Variants in PLCG2 observed in about 807,000 individuals in gnomAD.
PLCG2 encodes 1-phosphatidylinositol 4,5-bisphosphate phosphodiesterase gamma-2.
In PLCG2, 69 loss-of-function variants were observed where a neutral mutation model predicts 175.6. That is an observed-to-expected ratio of 0.39 (90% CI 0.32 to 0.48). The LOEUF (loss-of-function observed/expected upper bound fraction) is 0.48, where lower values mean the gene tolerates loss of function less well. Among genes scored for constraint, PLCG2 ranks in the 20% least tolerant of loss-of-function variants. The probability of loss-of-function intolerance (pLI) is 0.91; values close to 1 mark genes in which losing one functional copy is unlikely to be tolerated. For synonymous variants in PLCG2, 827 were observed against 624.0 expected, an observed-to-expected ratio of 1.33 and a Z score of -4.85; for missense variants, 1,798 against 1,650.9, an observed-to-expected ratio of 1.09 and a Z score of -1.54.
At chr16:81,903,219 G>A (rs1475275649) in intron 14 of PLCG2, among the ~76,000 whole-genome samples, 1 of 152,258 alleles carries the variant, frequency 6.6e-6, no homozygotes, top group Non-Finnish European at 1.5e-5. Flanking sequence ...CAAGGGTGTG[G>A]TGGTGTCAAC....
chr16:81,838,842 G>C (rs1476533794), intron 2 of PLCG2, among the ~76,000 whole-genome samples: 1 of 149,746 alleles, frequency 6.7e-6, no homozygotes, highest in East Asian at 1.9e-4. Context: ...ATGCACACAT[G>C]GTGCATGTAA....
chr16:81,837,171 A>T (rs528140589), intron 2 of PLCG2, among the ~76,000 whole-genome samples: 36 of 152,254 alleles, frequency 2.4e-4, no homozygotes, highest in Non-Finnish European at 4.8e-4. Context: ...AAAGAACGAG[A>T]ATACATATAC....
intron 9 of PLCG2, among the ~76,000 whole-genome samples, chr16:81,884,423 C>A (rs1188568454): frequency 6.6e-6 from 1 of 152,054 alleles, no homozygotes; most frequent in East Asian, 1.9e-4. Flanking sequence ...GCACCAAGTA[C>A]CTACAGTGCT....
chr16:81,747,263 G>A (rs1431781995), intron 1 of PLCG2, among the ~76,000 whole-genome samples: 2 of 152,130 alleles, frequency 1.3e-5, no homozygotes, highest in Non-Finnish European at 2.9e-5. Context: ...GACTGGGCGC[G>A]GTGGCTCACA....
In PLCG2 at chr16:81,956,727, C is replaced by A; in HGVS notation, c.3603C>A (p.Arg1201=). 1 of 1,614,136 alleles carries A rather than the reference C, an allele frequency of 6.2e-7. No homozygotes were observed. Among genetic ancestry groups the A allele is most frequent in the Non-Finnish European group, 8.5e-7 (1 of 1,180,004 alleles). ...ESEEELYSSC[R]QLRRRQEELN... The stretch of plus-strand genomic sequence containing the variant: ...AAGAGGAACTTTACTCCTCCTGTCG[C>A]CAGCTGAGGAGGCGGCAAGAAGAAC... Residue 1201 remains arginine, a synonymous_variant, in exon 32 of 33, where the codon CGC becomes CGA. Coordinates refer to ENST00000564138, the MANE Select transcript of PLCG2 (RefSeq NM_002661.5).
intron 2 of PLCG2, among the ~76,000 whole-genome samples, chr16:81,770,999 C>T (rs1003160206): frequency 4.0e-5 from 6 of 150,028 alleles, no homozygotes; most frequent in Admixed American, 1.3e-4. Context: ...TGGAGCTTGC[C>T]GTGAGCCGAG....
intron 12 of PLCG2, among the ~76,000 whole-genome samples, chr16:81,894,234 G>A (rs145970858): frequency 6.6e-6 from 1 of 152,184 alleles, no homozygotes; most frequent in East Asian, 1.9e-4. Context: ...TTTGAGACCA[G>A]CCTGGGCGAC....
intron 2 of PLCG2, among the ~76,000 whole-genome samples, chr16:81,794,031 T>C (rs1361345305): frequency 6.6e-6 from 1 of 152,186 alleles, no homozygotes; most frequent in African/African-American, 2.4e-5. Flanking sequence ...AGAGTTTCTT[T>C]GTGACAGCAG....
chr16:81,908,682 G>C (rs1261474866), intron 17 of PLCG2, 91 bp downstream of exon 17: 1 of 1,134,590 alleles, frequency 8.8e-7, no homozygotes, highest in Non-Finnish European at 1.2e-6. Context: ...GGCAGGAATT[G>C]GGCAGGCTGG....
intron 10 of PLCG2, among the ~76,000 whole-genome samples, chr16:81,890,920 T>C (rs1908601548): frequency 1.3e-5 from 2 of 152,302 alleles, no homozygotes; most frequent in East Asian, 1.9e-4. Context: ...CCCAGCACTT[T>C]GGGAGGCTGA....
chr16:81,793,274 A>T (rs11642588), intron 2 of PLCG2, among the ~76,000 whole-genome samples: 28,285 of 152,162 alleles, frequency 0.19, 3,087 homozygotes, highest in Non-Finnish European at 0.25. Context: ...AGCTTGTGGT[A>T]CTGTTGGGCA....
At chr16:81,934,637 A>T in intron 26 of PLCG2, 106 bp downstream of exon 26, 1 of 741,606 alleles carries the variant, frequency 1.3e-6, no homozygotes, top group Non-Finnish European at 2.3e-6. Context: ...CTCATTCTTA[A>T]CTACTCCCAG....
intron 13 of PLCG2, among the ~76,000 whole-genome samples, chr16:81,897,302 TCTGAGTCCTTCTCG>T (rs2143619880): frequency 6.6e-6 from 1 of 152,352 alleles, no homozygotes; most frequent in South Asian, 2.1e-4. Context: ...GAGTATGGGT[TCTGAGTCCTTCTCG>T]CTGAGTTTGA....
At chr16:81,846,753 C>T (rs1354678568) in intron 2 of PLCG2, among the ~76,000 whole-genome samples, 1 of 151,992 alleles carries the variant, frequency 6.6e-6, no homozygotes, top group African/African-American at 2.4e-5. Context: ...AATAGAGATA[C>T]AAGAAAAGGT....
intron 2 of PLCG2, among the ~76,000 whole-genome samples, chr16:81,807,410 A>G (rs1904286187): frequency 6.6e-6 from 1 of 152,144 alleles, no homozygotes; most frequent in Non-Finnish European, 1.5e-5. Flanking sequence ...GCAAAGGAAG[A>G]GCTGGTTTCA....
At chr16:81,823,726 C>T (rs1449853966) in intron 2 of PLCG2, among the ~76,000 whole-genome samples, 1 of 150,764 alleles carries the variant, frequency 6.6e-6, no homozygotes. Context: ...GACAGGGTCT[C>T]TCTATGTTGC....
intron 7 of PLCG2, among the ~76,000 whole-genome samples, chr16:81,878,405 G>A (rs1054472418): frequency 2.6e-5 from 4 of 152,098 alleles, no homozygotes; most frequent in African/African-American, 9.7e-5. Flanking sequence ...CATGCCCATG[G>A]GTACTGGGTA....
At chr16:81,886,137 C>G (rs1182278430) in intron 9 of PLCG2, among the ~76,000 whole-genome samples, 1 of 152,172 alleles carries the variant, frequency 6.6e-6, no homozygotes, top group Non-Finnish European at 1.5e-5. Context: ...AGCCTCGCAT[C>G]CTAGAATTCA....
intron 5 of PLCG2, among the ~76,000 whole-genome samples, chr16:81,866,582 T>C (rs1200366525): frequency 2.3e-5 from 2 of 86,976 alleles, no homozygotes; most frequent in African/African-American, 3.5e-5. Flanking sequence ...TCTCCCTTGC[T>C]CCCAAGATGA....
Sources: gnomAD v4.1 joint callset for allele counts (sites outside exome capture counted in the v4.1 genomes callset) on GRCh38, gnomAD v4.1.1 for gene constraint, MANE v1.5 for transcripts, NCBI Gene and HGNC (gene_info 2026-07-23, HGNC 2026-07-21) for gene names.